ADAP1: variants seen among roughly 807,000 people sequenced by gnomAD.
The protein encoded by ADAP1 is ArfGAP with dual PH domains 1.
In ADAP1, 31 loss-of-function variants were observed where a neutral mutation model predicts 54.9. The observed-to-expected ratio is 0.56, with a 90% CI of 0.42 to 0.76. The LOEUF (loss-of-function observed/expected upper bound fraction) is 0.76, where lower values mean the gene tolerates loss of function less well. Among genes scored for constraint, ADAP1 ranks in the 30% least tolerant of loss-of-function variants. The pLI is 0.00. For missense variants in ADAP1, 535 were observed against 512.4 expected (o/e 1.04, Z -0.42); for synonymous variants, 313 against 202.6 (o/e 1.55, Z -4.63).
chr7:899,755 C>T (rs961017466), intron 8 of ADAP1, among the ~76,000 whole-genome samples: 1 of 152,154 alleles, frequency 6.6e-6, no homozygotes, highest in Non-Finnish European at 1.5e-5. Context: ...TACGAGCCCT[C>T]ACACCTGCAC....
chr7:928,858 G>A (rs1193494731), intron 2 of ADAP1, among the ~76,000 whole-genome samples: 1 of 152,252 alleles, frequency 6.6e-6, no homozygotes, highest in Non-Finnish European at 1.5e-5. Context: ...TAAGAGACGC[G>A]AAGACGCAGA....
intron 3 of ADAP1, among the ~76,000 whole-genome samples, chr7:924,534 C>G (rs1379899012): frequency 1.5e-5 from 2 of 135,254 alleles, no homozygotes; most frequent in African/African-American, 5.7e-5. Flanking sequence ...CAGGTCCACA[C>G]TGCACCCCCT....
At chr7:905,036 A>C in intron 5 of ADAP1, 24 bp downstream of exon 5, 2 of 1,595,114 alleles carry the variant, frequency 1.3e-6, no homozygotes, top group African/African-American at 1.3e-5. Flanking sequence ...ACAGGCCCCC[A>C]CCCCACCCCC....
Position 920,154 on chromosome 7 carries a change from AC to A in ADAP1, c.306-105del. Reference sequence around the variant, plus strand: ...TGGACATCTCAAGAGGCTCATAGGGACCCCCGGCAGACTCGAGCCGCCCCTC... The same window carrying A: ...TGGACATCTCAAGAGGCTCATAGGGACCCCGGCAGACTCGAGCCGCCCCTC... On this transcript the variant is annotated intron_variant, in intron 3 of 10. Coordinates refer to ENST00000265846, the MANE Select transcript of ADAP1 (RefSeq NM_006869.4). This position sits in a 1 kb window ranked among gnomAD's most constrained non-coding sequence, Gnocchi z 4.5. 1 of 1,020,620 alleles carries A rather than the reference AC, an allele frequency of 9.8e-7. No homozygotes were observed. Among genetic ancestry groups the A allele is most frequent in the Non-Finnish European group, 1.4e-6 (1 of 698,426 alleles). The allele number at this position is 1,020,620 out of a possible 1,614,324, so 63.2% of individuals were successfully genotyped here.
intron 3 of ADAP1, among the ~76,000 whole-genome samples, chr7:924,935 CA>C (rs1410044431): frequency 6.6e-6 from 1 of 151,978 alleles, no homozygotes; most frequent in African/African-American, 2.4e-5. Context: ...TGTGAGGGCT[CA>C]GGGGGAGACA....
At chr7:914,328 C>T (rs923348413) in intron 4 of ADAP1, among the ~76,000 whole-genome samples, 2 of 152,244 alleles carry the variant, frequency 1.3e-5, no homozygotes, top group African/African-American at 2.4e-5. Context: ...TTCTATATTT[C>T]CCTGTGGTCG....
In ADAP1 at chr7:904,359, G is replaced by A. The variant is rs116707812; in HGVS notation, c.502-87C>T. The stretch of plus-strand genomic sequence containing the variant: ...AAGGGCAGACCCTGTGGGTGCTGGC[G>A]GCGCACCTGCTGTGCTGTGTGGCTT... On this transcript the variant is annotated intron_variant, in intron 5 of 10. Transcript: ENST00000265846. 2.7e-3 allele frequency: 4,084 copies of A among 1,486,724 alleles called. 11 individuals are homozygous for A. Among genetic ancestry groups the A allele is most frequent in the Non-Finnish European group, 3.3e-3 (3,616 of 1,111,818 alleles). The allele number at this position is 1,486,724 out of a possible 1,614,324, so 92.1% of individuals were successfully genotyped here. A position where few individuals can be genotyped will look rare whatever the true frequency, so the allele number is the denominator to read the frequency against.
At position 926,866 on chromosome 7, in the gene ADAP1, C is replaced by T. The variant is rs530176199; in HGVS notation, c.214-222G>A. On this transcript the variant is annotated intron_variant, in intron 2 of 10. Transcript: ENST00000265846. The surrounding 1 kb of genome is among the most constrained non-coding windows in gnomAD (Gnocchi z 4.6). ...GGGAAGGAGCCAGCGTCCCTAACGA[C>T]GGGGTCCCGGCAAAGGGGGCCCAGG... 1.1e-4 allele frequency: 99 copies of T among 865,506 alleles called. 1 individual carries two copies. The highest frequency in any genetic ancestry group is 4.5e-4 in the East Asian group (14 of 31,050). 53.6% of individuals were successfully genotyped at this position (865,506 alleles called of 1,614,324 possible). A position where few individuals can be genotyped will look rare whatever the true frequency, so the allele number is the denominator to read the frequency against.
intron 1 of ADAP1, among the ~76,000 whole-genome samples, chr7:947,492 C>T (rs13221664): frequency 1.3e-5 from 2 of 152,100 alleles, no homozygotes; most frequent in Non-Finnish European, 2.9e-5. Context: ...CACAGAGCCT[C>T]ACATCGCAGG....
chr7:921,934 G>A (rs1846205481), intron 3 of ADAP1, among the ~76,000 whole-genome samples: 2 of 152,154 alleles, frequency 1.3e-5, no homozygotes, highest in Admixed American at 6.5e-5. Flanking sequence ...GTGCAGAATG[G>A]GCCCCCAAGG....
intron 6 of ADAP1, chr7:900,883 A>AGGCCGGGCCGGGCC (rs1554270395): frequency 1.1e-4 from 45 of 393,230 alleles, no homozygotes; most frequent in African/African-American, 6.0e-4. Context: ...GAAGGGCCGA[A>AGGCCGGGCCGGGCC]GGGCCGGGCC....
chr7:924,178 CA>C (rs1846294052), intron 3 of ADAP1, among the ~76,000 whole-genome samples: 2 of 80,468 alleles, frequency 2.5e-5, no homozygotes, highest in African/African-American at 1.0e-4. Context: ...CCCCGCCCTC[CA>C]GGTTACACAG....
chr7:928,195 G>C (rs1846451669), intron 2 of ADAP1, among the ~76,000 whole-genome samples: 1 of 151,186 alleles, frequency 6.6e-6, no homozygotes, highest in Non-Finnish European at 1.5e-5. Context: ...ACTCCAGCCT[G>C]GGCGGCAGAA....
At chr7:908,229 G>A (rs1369391555) in intron 4 of ADAP1, among the ~76,000 whole-genome samples, 5 of 152,144 alleles carry the variant, frequency 3.3e-5, no homozygotes, top group Admixed American at 6.5e-5. Context: ...TGCAGACACC[G>A]CCCATCAGCC....
At chr7:944,904 G>A (rs953645647) in intron 1 of ADAP1, among the ~76,000 whole-genome samples, 8 of 151,560 alleles carry the variant, frequency 5.3e-5, no homozygotes, top group South Asian at 2.1e-4. Context: ...GGAAGAGCCC[G>A]GGGGGGTGAC....
chr7:915,858 C>T (rs1201807215), intron 4 of ADAP1, among the ~76,000 whole-genome samples: 1 of 151,984 alleles, frequency 6.6e-6, no homozygotes, highest in East Asian at 1.9e-4. Flanking sequence ...GAACCCAGAA[C>T]CCGCGCCCAC....
intron 1 of ADAP1, among the ~76,000 whole-genome samples, 166 bp from the exon 2 acceptor site, chr7:935,671 T>TCCCCCCCCCC (rs3215362): frequency 6.1e-5 from 9 of 146,504 alleles, no homozygotes; most frequent in Admixed American, 2.0e-4. Context: ...TAACCCCAGC[T>TCCCCCCCCCC]CCCCCCCCGC....
rs1055785524 is a variant in ADAP1, at chr7:920,525, G to A, written c.306-475C>T. The stretch of plus-strand genomic sequence containing the variant: ...CGTGCTGCCACCTTGCACCCCCCGT[G>A]CCGCCCTCCACCCGCCGTGCCGCCC... On this transcript the variant is annotated intron_variant, in intron 3 of 10. Transcript: ENST00000265846. The surrounding 1 kb of genome is among the most constrained non-coding windows in gnomAD (Gnocchi z 4.5). Among the ~76,000 whole-genome samples, 5 of 151,126 alleles carry A rather than the reference G, an allele frequency of 3.3e-5. No homozygotes were observed. The highest frequency in any genetic ancestry group is 1.2e-4 in the African/African-American group (5 of 41,034).
intron 5 of ADAP1, 74 bp from the exon 6 acceptor site, chr7:904,346 T>C (rs1226964942): frequency 6.6e-6 from 10 of 1,505,316 alleles, no homozygotes; most frequent in Non-Finnish European, 8.9e-6. Flanking sequence ...GGGCAGACCC[T>C]GTGGGTGCTG....
Sources: allele counts gnomAD v4.1 joint callset (sites outside exome capture counted in the v4.1 genomes callset), GRCh38; gene constraint gnomAD v4.1.1; non-coding constraint Gnocchi (gnomAD v3.1); transcripts MANE v1.5; gene names NCBI Gene and HGNC (gene_info 2026-07-23, HGNC 2026-07-21).